Variants in SLC39A11 observed in about 807,000 individuals in gnomAD.
The protein encoded by SLC39A11 is zinc transporter ZIP11.
SLC39A11 carries 33 observed loss-of-function variants against 36.1 expected under a neutral mutation model. That is an observed-to-expected ratio of 0.91 (90% CI 0.69 to 1.22). The LOEUF is 1.22. Among genes scored for constraint, SLC39A11 ranks in the 50% most tolerant of loss-of-function variants. The pLI is 0.00. For missense variants in SLC39A11, 432 were observed against 430.3 expected, an observed-to-expected ratio of 1.00 and a Z score of -0.03; for synonymous variants, 166 against 170.3, an observed-to-expected ratio of 0.97 and a Z score of 0.20.
intron 7 of SLC39A11, among the ~76,000 whole-genome samples, chr17:72,682,788 G>A (rs979384279): frequency 3.9e-5 from 6 of 152,302 alleles, no homozygotes; most frequent in Non-Finnish European, 8.8e-5. Flanking sequence ...GATTCACGTG[G>A]AGACTCTACT....
intron 5 of SLC39A11, among the ~76,000 whole-genome samples, chr17:72,867,583 G>C (rs1447680848): frequency 2.0e-5 from 3 of 151,792 alleles, no homozygotes; most frequent in South Asian, 2.1e-4. Flanking sequence ...AGCGTAAGGG[G>C]GATAAAAAGA....
chr17:72,910,353 G>A (rs957747258), intron 5 of SLC39A11, among the ~76,000 whole-genome samples: 1 of 152,138 alleles, frequency 6.6e-6, no homozygotes, highest in African/African-American at 2.4e-5. Context: ...ACCGGGTGCG[G>A]TGGCCCGTGC....
At chr17:72,947,617 T>A (rs2085511268) in intron 5 of SLC39A11, 135 bp downstream of exon 5, 1 of 1,286,572 alleles carries the variant, frequency 7.8e-7, no homozygotes, top group African/African-American at 1.5e-5. Context: ...AGTAGTAGGG[T>A]GAGTGATTCG....
At chr17:72,779,250 C>T (rs1218555947) in intron 6 of SLC39A11, among the ~76,000 whole-genome samples, 1 of 152,066 alleles carries the variant, frequency 6.6e-6, no homozygotes, top group East Asian at 1.9e-4. Flanking sequence ...TCGAGACCAG[C>T]CTGGCCAACA....
chr17:72,900,163 AAGAAAG>A (rs2082292966), intron 5 of SLC39A11, among the ~76,000 whole-genome samples: 1 of 97,160 alleles, frequency 1.0e-5, no homozygotes, highest in East Asian at 2.6e-4. Flanking sequence ...AAAAGAAAGA[AAGAAAG>A]AAAGAAAGAA....
chr17:72,820,356 A>G lies in SLC39A11; in HGVS notation c.601+29278T>C, dbSNP rs190857327. On this transcript the variant is annotated intron_variant, in intron 6 of 9. Transcript: ENST00000255559. ...TGCGATGTCCCATCCTCATGAATAC[A>G]TTTGTAGCTGTCTTAAGCAAAGTGA... is the stretch of plus-strand genomic sequence containing the variant. 5.8e-3 allele frequency among the ~76,000 whole-genome samples: 882 copies of G among 151,282 alleles called. 50 individuals are homozygous for G. The highest frequency in any genetic ancestry group is 0.01 in the Middle Eastern group (3 of 294).
At chr17:73,046,639 C>CTT (rs560543361) in intron 3 of SLC39A11, among the ~76,000 whole-genome samples, 74 of 152,302 alleles carry the variant, frequency 4.9e-4, no homozygotes, top group African/African-American at 1.7e-3. Flanking sequence ...CTCTGTCTCT[C>CTT]TTTCTCTCTC....
chr17:72,800,913 T>C (rs1205304448), intron 6 of SLC39A11, among the ~76,000 whole-genome samples: 1 of 152,238 alleles, frequency 6.6e-6, no homozygotes, highest in Admixed American at 6.5e-5. Context: ...AGTATATTTC[T>C]ATCATGTCAT....
At chr17:72,852,316 G>A (rs561224180) in intron 5 of SLC39A11, among the ~76,000 whole-genome samples, 1 of 151,550 alleles carries the variant, frequency 6.6e-6, no homozygotes, top group Admixed American at 6.6e-5. Context: ...AGGGCAGGTA[G>A]ACTCACTCCT....
At position 72,951,297 on chromosome 17, in the gene SLC39A11, G is replaced by C. The variant is rs543279106; in HGVS notation, c.307-3422C>G. ...AAAAAAAGCCAGCAAAATGTCAATA[G>C]TGCTGAGCTTCAGATACCTGCTTTA... On this transcript the variant is annotated intron_variant, in intron 4 of 9. Transcript: ENST00000255559. Among the ~76,000 whole-genome samples the C allele has an allele frequency of 3.4e-5, 5 of 145,384 alleles. No individual in the cohort carries two copies. The East Asian group carries it at 1.1e-3, about 31-fold the overall frequency.
intron 3 of SLC39A11, among the ~76,000 whole-genome samples, chr17:73,048,381 G>C (rs1318151927): frequency 6.6e-6 from 1 of 152,072 alleles, no homozygotes; most frequent in Non-Finnish European, 1.5e-5. Context: ...TCTTTTTTAT[G>C]ACTGCATAGT....
chr17:72,862,012 A>G (rs1203341189), intron 5 of SLC39A11, among the ~76,000 whole-genome samples: 2 of 151,852 alleles, frequency 1.3e-5, no homozygotes, highest in African/African-American at 2.4e-5. Context: ...CTGGTTCCTG[A>G]AAAAAACAAA....
intron 7 of SLC39A11, 50 bp downstream of exon 7, chr17:72,736,600 G>A (rs1473692235): frequency 6.6e-7 from 1 of 1,516,408 alleles, no homozygotes; most frequent in Admixed American, 1.7e-5. Flanking sequence ...CACACCCAGA[G>A]CACCCCTGGG....
At chr17:72,840,418 C>A (rs528991473) in intron 6 of SLC39A11, among the ~76,000 whole-genome samples, 2 of 152,198 alleles carry the variant, frequency 1.3e-5, no homozygotes, top group South Asian at 4.1e-4. Context: ...ATCATCAGGA[C>A]CCACATGAGT....
intron 3 of SLC39A11, among the ~76,000 whole-genome samples, chr17:73,081,670 C>CATATATGTGTATATGTATGT (rs1568242944): frequency 1.2e-5 from 1 of 82,206 alleles, no homozygotes; most frequent in Non-Finnish European, 2.3e-5. Context: ...CACACACACA[C>CATATATGTGTATATGTATGT]ATATATATAC....
At chr17:72,968,352 G>A (rs996519569) in intron 4 of SLC39A11, among the ~76,000 whole-genome samples, 1 of 152,130 alleles carries the variant, frequency 6.6e-6, no homozygotes, top group South Asian at 2.1e-4. Context: ...GCTGCATGAC[G>A]ATCTCTCTCT....
At chr17:72,706,899 A>G (rs910877992) in intron 7 of SLC39A11, among the ~76,000 whole-genome samples, 2 of 152,188 alleles carry the variant, frequency 1.3e-5, no homozygotes, top group East Asian at 3.8e-4. Flanking sequence ...TCAGTATTTG[A>G]AAGTTCTCCA....
At position 72,980,509 on chromosome 17, in the gene SLC39A11, TA is replaced by T. The variant is rs903475279; in HGVS notation, c.307-32635del. Among the ~76,000 whole-genome samples the T allele has an allele frequency of 6.8e-3, 1,029 of 151,620 alleles. 16 individuals are homozygous for T. The highest frequency in any genetic ancestry group is 0.022 in the African/African-American group (918 of 41,366). On this transcript the variant is annotated intron_variant, in intron 4 of 9. Transcript: ENST00000255559. Reference sequence around the variant, plus strand: ...ATGTAGAAATTTGAAACAAAGCTTGTAAAAAAAAATACCTAGACGATGTTCT... The same window carrying T: ...ATGTAGAAATTTGAAACAAAGCTTGTAAAAAAAATACCTAGACGATGTTCT...
chr17:72,785,496 T>TC lies in SLC39A11; in HGVS notation c.602-48778dup, dbSNP rs1336777055. Among the ~76,000 whole-genome samples, 6 of 152,176 alleles carry TC rather than the reference T, an allele frequency of 3.9e-5. No homozygotes were observed. In the East Asian group the frequency reaches 1.2e-3, roughly 29 times the overall value. ...AGTCCTGCAGTATTTGGCTCCTCCA[T>TC]CTCCGAAGGGGAGAGAGGGCTGAAA... On this transcript the variant is annotated intron_variant, in intron 6 of 9. Transcript: ENST00000255559.
Sources: gnomAD v4.1 joint callset for allele counts (sites outside exome capture counted in the v4.1 genomes callset) on GRCh38, gnomAD v4.1.1 for gene constraint, MANE v1.5 for transcripts, NCBI Gene and HGNC (gene_info 2026-07-23, HGNC 2026-07-21) for gene names.